RIMS1: variants seen among roughly 807,000 people sequenced by gnomAD.
The protein encoded by RIMS1 is regulating synaptic membrane exocytosis 1, also known as regulating synaptic membrane exocytosis protein 1.
A neutral mutation model predicts 214.1 loss-of-function variants in RIMS1; 83 were observed. The ratio of observed to expected loss-of-function variants is 0.39; its 90% CI spans 0.32 to 0.47. The LOEUF (loss-of-function observed/expected upper bound fraction) is 0.47, where lower values mean the gene tolerates loss of function less well. RIMS1 is among the 20% of genes least tolerant of loss of function. RIMS1 has a pLI of 0.99. For missense variants in RIMS1, 2,050 were observed against 2,161.8 expected (o/e 0.95, Z 1.03); for synonymous variants, 793 against 786.8 (o/e 1.01, Z -0.13).
chr6:72,182,504 C>A lies in RIMS1; in HGVS notation c.1033C>A (p.Gln345Lys), dbSNP rs1157548796. 1 of 1,599,922 alleles carries A rather than the reference C, an allele frequency of 6.3e-7. No individual in the cohort carries two copies. ...GGGCAAAGCGGCGGATGAGGAAAAG[C>A]AAAGAAAAGAGGAGGATTATCAGAC... ...DEGKAADEEKQRKEEDYQTRY... is the reference protein window; with the variant it reads ...DEGKAADEEKKRKEEDYQTRY... Residue 345 changes from glutamine (Q) to lysine (K), a missense_variant, in exon 6 of 34, where the codon CAA (glutamine) becomes AAA (lysine). Coordinates refer to ENST00000521978, the MANE Select transcript of RIMS1 (RefSeq NM_014989.7).
intron 2 of RIMS1, among the ~76,000 whole-genome samples, chr6:71,991,130 C>G (rs1325460177): frequency 2.0e-5 from 3 of 152,026 alleles, no homozygotes; most frequent in Non-Finnish European, 2.9e-5. Context: ...TTTATTTTAT[C>G]TAGGACTTGC....
At chr6:72,339,330 C>T (rs1319818444) in intron 29 of RIMS1, among the ~76,000 whole-genome samples, 5 of 151,700 alleles carry the variant, frequency 3.3e-5, no homozygotes, top group Admixed American at 6.6e-5. Flanking sequence ...ATGTGCACAA[C>T]GTGCAGGTTT....
At chr6:71,990,856 T>C (rs1801385590) in intron 2 of RIMS1, among the ~76,000 whole-genome samples, 1 of 152,010 alleles carries the variant, frequency 6.6e-6, no homozygotes, top group Non-Finnish European at 1.5e-5. Flanking sequence ...GTGGGTTTCA[T>C]TTCGAGTTTG....
chr6:71,887,472 G>C (rs1768108285), intron 1 of RIMS1, among the ~76,000 whole-genome samples: 1 of 152,112 alleles, frequency 6.6e-6, no homozygotes, highest in Non-Finnish European at 1.5e-5. Context: ...GGCCACGCTC[G>C]TGGTGGGAAG....
chr6:72,195,808 G>A (rs1299315613), intron 6 of RIMS1, among the ~76,000 whole-genome samples: 1 of 152,092 alleles, frequency 6.6e-6, no homozygotes, highest in Non-Finnish European at 1.5e-5. Context: ...TTATAAAGAG[G>A]TTTAGTTGAC....
At chr6:72,244,335 C>T (rs2068389708) in intron 10 of RIMS1, among the ~76,000 whole-genome samples, 1 of 151,738 alleles carries the variant, frequency 6.6e-6, no homozygotes, top group African/African-American at 2.4e-5. Flanking sequence ...AAATTTATGC[C>T]TGAAAATATT....
chr6:72,374,534 A>G (rs187885435), intron 29 of RIMS1, among the ~76,000 whole-genome samples: 2 of 152,306 alleles, frequency 1.3e-5, no homozygotes, highest in African/African-American at 2.4e-5. Flanking sequence ...CACAATTTAC[A>G]TTATTTGCCT....
intron 29 of RIMS1, among the ~76,000 whole-genome samples, chr6:72,341,067 T>C (rs949744544): frequency 6.6e-6 from 1 of 152,076 alleles, no homozygotes; most frequent in Non-Finnish European, 1.5e-5. Flanking sequence ...AGTTCACTCA[T>C]GATTTGGCTC....
intron 6 of RIMS1, among the ~76,000 whole-genome samples, chr6:72,223,979 G>A (rs778102163): frequency 4.4e-4 from 65 of 147,216 alleles, no homozygotes; most frequent in Non-Finnish European, 7.6e-4. Flanking sequence ...AGTTGCGTAA[G>A]TGCACACTAA....
intron 29 of RIMS1, among the ~76,000 whole-genome samples, chr6:72,384,557 C>A (rs2154428390): frequency 6.6e-6 from 1 of 152,268 alleles, no homozygotes; most frequent in African/African-American, 2.4e-5. Flanking sequence ...GCTTTTCCCC[C>A]ACCTTAAAAG....
chr6:71,973,725 C>A (rs535321313), intron 2 of RIMS1, among the ~76,000 whole-genome samples: 1 of 152,272 alleles, frequency 6.6e-6, no homozygotes, highest in East Asian at 1.9e-4. Flanking sequence ...CATGAAATAA[C>A]AGAAGCAGTG....
intron 6 of RIMS1, among the ~76,000 whole-genome samples, chr6:72,219,675 T>TC (rs1292807411): frequency 1.3e-5 from 2 of 151,266 alleles, no homozygotes; most frequent in Admixed American, 6.6e-5. Flanking sequence ...TTGAGGGTTT[T>TC]TTTTTGTTTG....
chr6:72,138,654 A>C (rs1192954962), intron 4 of RIMS1, among the ~76,000 whole-genome samples: 1 of 152,208 alleles, frequency 6.6e-6, no homozygotes, highest in East Asian at 1.9e-4. Flanking sequence ...TCTTAAATAA[A>C]AAATAATTCA....
At chr6:72,005,620 A>G (rs1807210473) in intron 2 of RIMS1, among the ~76,000 whole-genome samples, 1 of 152,194 alleles carries the variant, frequency 6.6e-6, no homozygotes, top group Admixed American at 6.5e-5. Context: ...GGTACCAGGA[A>G]AGACACTGAC....
Position 72,042,008 on chromosome 6 carries a change from T to C in RIMS1, c.246-54941T>C, listed in dbSNP as rs560151037. Among the ~76,000 whole-genome samples, 13 of 152,054 alleles carry C rather than the reference T, an allele frequency of 8.5e-5. No individual in the cohort carries two copies. The South Asian group carries it at 2.7e-3, about 32-fold the overall frequency. Reference sequence around the variant, plus strand: ...CCTACTTCTCCCCATGATAGGAAAATTTTATTTACATTTGTATCTGAGAAG... The same window carrying C: ...CCTACTTCTCCCCATGATAGGAAAACTTTATTTACATTTGTATCTGAGAAG... On this transcript the variant is annotated intron_variant, in intron 2 of 33. Transcript: ENST00000521978.
At position 72,250,990 on chromosome 6, in the gene RIMS1, C is replaced by G; in HGVS notation, c.2442C>G (p.Val814=). ...ILEPKWNQTF[V]YSHVHRRDFR... Reference sequence around the variant, plus strand: ...AACCAAAATGGAATCAAACTTTTGTCTATTCACATGTACATCGTAGAGATT... The same window carrying G: ...AACCAAAATGGAATCAAACTTTTGTGTATTCACATGTACATCGTAGAGATT... Residue 814 remains valine, a synonymous_variant, in exon 14 of 34, where the codon GTC becomes GTG. Transcript: ENST00000521978. 6.4e-7 allele frequency: 1 copy of G among 1,556,266 alleles called. No individual in the cohort carries two copies. The highest frequency in any genetic ancestry group is 1.9e-5 in the Admixed American group (1 of 51,570).
At chr6:72,031,495 A>T (rs879461246) in intron 2 of RIMS1, among the ~76,000 whole-genome samples, 5 of 152,262 alleles carry the variant, frequency 3.3e-5, no homozygotes, top group Non-Finnish European at 7.4e-5. Flanking sequence ...AAAATATAGA[A>T]AATGTTTCTC....
intron 2 of RIMS1, among the ~76,000 whole-genome samples, chr6:72,088,675 C>CT (rs541086770): frequency 2.0e-5 from 3 of 152,102 alleles, no homozygotes; most frequent in Non-Finnish European, 4.4e-5. Context: ...TTAGTAGGTA[C>CT]TTTTCAGACA....
chr6:71,973,123 T>C (rs1796284504), intron 2 of RIMS1, among the ~76,000 whole-genome samples: 1 of 152,212 alleles, frequency 6.6e-6, no homozygotes, highest in South Asian at 2.1e-4. Flanking sequence ...TTGGTCAGGC[T>C]GGTCTTGAAC....
Sources: allele counts gnomAD v4.1 joint callset (sites outside exome capture counted in the v4.1 genomes callset), GRCh38; gene constraint gnomAD v4.1.1; transcripts MANE v1.5; gene names NCBI Gene and HGNC (gene_info 2026-07-23, HGNC 2026-07-21).